The following ATP2C2 variants were observed in gnomAD, a reference collection of about 807,000 sequenced individuals.
ATP2C2 encodes the protein calcium-transporting ATPase type 2C member 2.
A neutral mutation model predicts 110.8 loss-of-function variants in ATP2C2; 171 were observed. That is an observed-to-expected ratio of 1.54 (90% CI 1.36 to 1.75). The LOEUF (loss-of-function observed/expected upper bound fraction) is 1.75, where lower values mean the gene tolerates loss of function less well. ATP2C2 is among the 40% of genes most tolerant of loss of function. The probability of loss-of-function intolerance (pLI) is 0.00; values close to 1 mark genes in which losing one functional copy is unlikely to be tolerated. For missense variants in ATP2C2, 1,963 were observed against 1,235.0 expected, an observed-to-expected ratio of 1.59 and a Z score of -8.84; for synonymous variants, 804 against 508.4, an observed-to-expected ratio of 1.58 and a Z score of -7.82.
At chr16:84,399,017 C>T (rs1291712982) in intron 2 of ATP2C2, among the ~76,000 whole-genome samples, 4 of 152,234 alleles carry the variant, frequency 2.6e-5, no homozygotes, top group Non-Finnish European at 5.9e-5. Context: ...CCGGTATTCC[C>T]ACCGTCGTCT....
chr16:84,386,995 C>G (rs1429639762), intron 1 of ATP2C2, among the ~76,000 whole-genome samples: 1 of 152,134 alleles, frequency 6.6e-6, no homozygotes, highest in Non-Finnish European at 1.5e-5. Flanking sequence ...TCCCCATTTT[C>G]CCACACTGTC....
rs995651705 is a variant in ATP2C2 at position 84,460,979 on chromosome 16, C to G, written c.2481+178C>G. On this transcript the variant is annotated intron_variant, in intron 24 of 26. Coordinates refer to ENST00000262429, the MANE Select transcript of ATP2C2 (RefSeq NM_014861.4). ...CATGAGGCAAAGGGACTGGGTGACC[C>G]TTGAAAGAAGGGAGGTCGCCAGGTG... 3 of 937,662 alleles carry G rather than the reference C, an allele frequency of 3.2e-6. No individual in the cohort carries two copies. The African/African-American group carries it at 5.0e-5, about 16-fold the overall frequency. 58.1% of individuals were successfully genotyped at this position (937,662 alleles called of 1,614,324 possible). A position where few individuals can be genotyped will look rare whatever the true frequency, so the allele number is the denominator to read the frequency against.
chr16:84,447,483 C>A (rs1475445817), intron 16 of ATP2C2, among the ~76,000 whole-genome samples: 1 of 151,782 alleles, frequency 6.6e-6, no homozygotes, highest in Non-Finnish European at 1.5e-5. Context: ...TGGAGCATTG[C>A]AGATTTTAAA....
Position 84,453,552 on chromosome 16 carries a change from G to A in ATP2C2, c.1980+181G>A, listed in dbSNP as rs545321766. 2.3e-3 allele frequency among the ~76,000 whole-genome samples: 352 copies of A among 152,240 alleles called. 2 individuals carry two copies. Among genetic ancestry groups the A allele is most frequent in the Middle Eastern group, 0.01 (3 of 294 alleles). ...ATAGCCAGGGGGAGGGGAGGAGGTT[G>A]AGCAGGGGCGCGTGGGCAGCTCCCT... On this transcript the variant is annotated intron_variant, in intron 20 of 26. Coordinates refer to ENST00000262429, the MANE Select transcript of ATP2C2 (RefSeq NM_014861.4).
intron 12 of ATP2C2, 60 bp downstream of exon 12, chr16:84,439,350 A>T: frequency 6.2e-7 from 1 of 1,613,250 alleles, no homozygotes; most frequent in Non-Finnish European, 8.5e-7. Context: ...CTTGGCTGTC[A>T]GGGCAATCCA....
chr16:84,368,647 A>C lies in ATP2C2; in HGVS notation c.32A>C (p.Lys11Thr). MVEGRVSEFLKKLGFSGGGRQ... is the reference protein window; with the variant it reads MVEGRVSEFLTKLGFSGGGRQ... ...GAGGGACGCGTCTCCGAGTTCCTGA[A>C]GAAACTCGGCTTCTCGGGCGGGGGC... is the stretch of plus-strand genomic sequence containing the variant. The change falls in exon 1 of 27, where the codon AAG becomes ACG. Residue 11 changes from lysine (K) to threonine (T), a missense_variant. Coordinates refer to ENST00000262429, the MANE Select transcript of ATP2C2 (RefSeq NM_014861.4). 6.4e-7 allele frequency: 1 copy of C among 1,566,326 alleles called. No individual in the cohort carries two copies. The highest frequency in any genetic ancestry group is 8.6e-7 in the Non-Finnish European group (1 of 1,157,298).
intron 1 of ATP2C2, among the ~76,000 whole-genome samples, chr16:84,390,389 T>C (rs1243672233): frequency 6.6e-6 from 1 of 152,206 alleles, no homozygotes; most frequent in Non-Finnish European, 1.5e-5. Flanking sequence ...AGGTTAAACG[T>C]CAGTCCTGAG....
intron 17 of ATP2C2, among the ~76,000 whole-genome samples, chr16:84,450,538 A>T (rs76442993): frequency 0.095 from 14,444 of 152,054 alleles, 912 homozygotes; most frequent in South Asian, 0.23. Context: ...GAAGCAGGGG[A>T]TGCTCCTGGG....
intron 1 of ATP2C2, among the ~76,000 whole-genome samples, chr16:84,389,677 C>CTGGT (rs1353255491): frequency 1.3e-5 from 2 of 151,602 alleles, no homozygotes; most frequent in Non-Finnish European, 2.9e-5. Flanking sequence ...TCAGTGCTCC[C>CTGGT]TGGTGCTGGG....
At chr16:84,404,499 T>G (rs1905575655) in intron 2 of ATP2C2, 1 of 171,828 alleles carries the variant, frequency 5.8e-6, no homozygotes, top group Non-Finnish European at 1.3e-5. Flanking sequence ...AACTTAAAGG[T>G]GTATCCATGT....
intron 11 of ATP2C2, among the ~76,000 whole-genome samples, chr16:84,436,161 C>T (rs937236899): frequency 2.0e-5 from 3 of 152,224 alleles, no homozygotes; most frequent in African/African-American, 7.2e-5. Context: ...GTGATATAGC[C>T]AGAAAATGTG....
chr16:84,418,320 C>T (rs1907020573), intron 7 of ATP2C2, among the ~76,000 whole-genome samples: 1 of 152,142 alleles, frequency 6.6e-6, no homozygotes. Context: ...CGCCCCTCAC[C>T]CCTCCTTGCC....
chr16:84,408,303 C>A (rs1905956792), intron 3 of ATP2C2, 102 bp from the exon 4 acceptor site: 1 of 1,106,812 alleles, frequency 9.0e-7, no homozygotes, highest in Non-Finnish European at 1.4e-6. Flanking sequence ...GGAAGCCTGG[C>A]CCTGAACTGA....
In ATP2C2 at chr16:84,463,823, G is replaced by A; in HGVS notation, c.*91G>A. 8.7e-7 allele frequency: 1 copy of A among 1,143,032 alleles called. No individual in the cohort carries two copies. Among genetic ancestry groups the A allele is most frequent in the South Asian group, 1.3e-5 (1 of 77,036 alleles). 70.8% of individuals were successfully genotyped at this position (1,143,032 alleles called of 1,614,324 possible). ...GTCTCCTCGTCAGGGGAGACTTTTAGGAGGCCGCAGCCTTCCATCACCGGA... is the reference window on the plus strand; with the variant it reads ...GTCTCCTCGTCAGGGGAGACTTTTAAGAGGCCGCAGCCTTCCATCACCGGA... On this transcript the variant is annotated 3_prime_UTR_variant, in exon 27 of 27. Coordinates refer to ENST00000262429, the MANE Select transcript of ATP2C2 (RefSeq NM_014861.4).
chr16:84,388,997 C>G (rs1002323015), intron 1 of ATP2C2, among the ~76,000 whole-genome samples: 1 of 152,124 alleles, frequency 6.6e-6, no homozygotes, highest in Admixed American at 6.5e-5. Context: ...GTCTCAATCT[C>G]TTGACCTCGT....
intron 1 of ATP2C2, 121 bp downstream of exon 1, chr16:84,368,835 G>A: frequency 1.2e-6 from 1 of 866,510 alleles, no homozygotes; most frequent in Non-Finnish European, 1.7e-6. Context: ...CTCCTCCCCT[G>A]GCTCTGGAAA....
chr16:84,410,560 CTGTCTAGGCAGTGCT>C lies in ATP2C2; in HGVS notation c.418-3_429del. On this transcript the variant is annotated splice_acceptor_variant and splice_polypyrimidine_tract_variant and coding_sequence_variant and intron_variant, in exon 5 of 27. Coordinates refer to ENST00000262429, the MANE Select transcript of ATP2C2 (RefSeq NM_014861.4). LOFTEE classifies it high-confidence loss of function. ...TGGTACTGACACCCTCCTCCGTTTG[CTGTCTAGGCAGTGCT>C]TGTCGTGGTCACTGTCGCCTTCATC... 1.2e-6 allele frequency: 2 copies of C among 1,613,834 alleles called. No individual in the cohort carries two copies. The highest frequency in any genetic ancestry group is 1.7e-6 in the Non-Finnish European group (2 of 1,179,866).
At chr16:84,388,580 C>G (rs4555142) in intron 1 of ATP2C2, among the ~76,000 whole-genome samples, 1 of 151,886 alleles carries the variant, frequency 6.6e-6, no homozygotes, top group African/African-American at 2.4e-5. Flanking sequence ...GATAGAGAAG[C>G]CTTGGAAAGA....
intron 1 of ATP2C2, among the ~76,000 whole-genome samples, chr16:84,394,189 C>T (rs908412637): frequency 5.3e-5 from 8 of 151,776 alleles, no homozygotes; most frequent in Non-Finnish European, 7.4e-5. Context: ...GCCTCAAAAA[C>T]GAAAAACAAA....
Sources: allele counts gnomAD v4.1 joint callset (sites outside exome capture counted in the v4.1 genomes callset), GRCh38; gene constraint gnomAD v4.1.1; transcripts MANE v1.5; gene names NCBI Gene and HGNC (gene_info 2026-07-23, HGNC 2026-07-21).